PTPN4: variants seen among roughly 807,000 people sequenced by gnomAD.
PTPN4 encodes the protein protein tyrosine phosphatase non-receptor type 4, also known as tyrosine-protein phosphatase non-receptor type 4.
PTPN4 carries 49 observed loss-of-function variants against 135.5 expected under a neutral mutation model. The ratio of observed to expected loss-of-function variants is 0.36; its 90% CI spans 0.29 to 0.46. PTPN4 has a LOEUF of 0.46. Among genes scored for constraint, PTPN4 ranks in the 20% least tolerant of loss-of-function variants. The pLI is 1.00. For missense variants in PTPN4, 860 were observed against 1,101.0 expected, an observed-to-expected ratio of 0.78 and a Z score of 3.10; for synonymous variants, 333 against 369.9, an observed-to-expected ratio of 0.90 and a Z score of 1.14.
At chr2:119,894,053 T>C (rs1007571413) in intron 9 of PTPN4, among the ~76,000 whole-genome samples, 1 of 152,188 alleles carries the variant, frequency 6.6e-6, no homozygotes, top group Admixed American at 6.5e-5. Context: ...ATTTAATCCT[T>C]ACAACAGCCT....
rs1489537450 is a variant in PTPN4 at position 119,778,643 on chromosome 2, TTAAAA to T, written c.-18+18263_-18+18267del. 2.0e-5 allele frequency among the ~76,000 whole-genome samples: 3 copies of T among 152,150 alleles called. No individual in the cohort carries two copies. The South Asian group carries it at 6.2e-4, about 31-fold the overall frequency. ...ATAGGATATAGTGAGTTGTAAAAGATTAAAATAAGTTAAATAAAAAAGGAAAAGCC... is the reference window on the plus strand; with the variant it reads ...ATAGGATATAGTGAGTTGTAAAAGATTAAGTTAAATAAAAAAGGAAAAGCC... On this transcript the variant is annotated intron_variant, in intron 1 of 26. Coordinates refer to ENST00000263708, the MANE Select transcript of PTPN4 (RefSeq NM_002830.4).
Position 119,769,037 on chromosome 2 carries a change from T to C in PTPN4, c.-18+8653T>C, listed in dbSNP as rs531416872. Among the ~76,000 whole-genome samples the C allele has an allele frequency of 3.9e-4, 60 of 152,300 alleles. No individual in the cohort carries two copies. In the South Asian group the frequency reaches 0.012, roughly 31 times the overall value. ...GTGGCAGGATTTAAGGTTGTATAGA[T>C]GGTAGCTGAAGCAATGGGTGGGACT... On this transcript the variant is annotated intron_variant, in intron 1 of 26. Transcript: ENST00000263708.
chr2:119,814,004 A>G (rs1676947078), intron 2 of PTPN4, among the ~76,000 whole-genome samples: 1 of 152,138 alleles, frequency 6.6e-6, no homozygotes, highest in Non-Finnish European at 1.5e-5. Flanking sequence ...CAGGTGTGCC[A>G]TACTTAAAAA....
At chr2:119,950,322 A>G (rs1027019691) in intron 18 of PTPN4, among the ~76,000 whole-genome samples, 1 of 152,226 alleles carries the variant, frequency 6.6e-6, no homozygotes, top group African/African-American at 2.4e-5. Context: ...AATGTCTGTC[A>G]TCTACTTCAC....
chr2:119,868,535 T>C (rs1285654177), intron 3 of PTPN4, among the ~76,000 whole-genome samples: 1 of 152,208 alleles, frequency 6.6e-6, no homozygotes, highest in African/African-American at 2.4e-5. Flanking sequence ...CACTGTGACA[T>C]GTTCATGTTG....
chr2:119,782,503 A>G (rs1335547534), intron 1 of PTPN4, among the ~76,000 whole-genome samples: 1 of 152,138 alleles, frequency 6.6e-6, no homozygotes, highest in Non-Finnish European at 1.5e-5. Context: ...GTTCCTATAT[A>G]GGACAGTACA....
intron 2 of PTPN4, among the ~76,000 whole-genome samples, chr2:119,831,987 T>A (rs1457337452): frequency 3.9e-5 from 6 of 152,204 alleles, no homozygotes; most frequent in Non-Finnish European, 4.4e-5. Context: ...TAAGTTATTG[T>A]TTTGTTTTTC....
intron 3 of PTPN4, among the ~76,000 whole-genome samples, chr2:119,871,480 C>A (rs995275505): frequency 6.6e-6 from 1 of 151,908 alleles, no homozygotes; most frequent in Non-Finnish European, 1.5e-5. Flanking sequence ...GGCAGGAGAA[C>A]CACTTGCGCT....
intron 22 of PTPN4, among the ~76,000 whole-genome samples, chr2:119,959,994 T>C (rs928489321): frequency 7.2e-5 from 11 of 152,056 alleles, no homozygotes; most frequent in African/African-American, 2.7e-4. Flanking sequence ...AGAACAACAT[T>C]ATATATATAG....
At chr2:119,788,162 G>A (rs969621873) in intron 1 of PTPN4, among the ~76,000 whole-genome samples, 5 of 152,014 alleles carry the variant, frequency 3.3e-5, no homozygotes, top group African/African-American at 1.2e-4. Context: ...TTTCTCCCCA[G>A]ATTAACTTGT....
intron 2 of PTPN4, among the ~76,000 whole-genome samples, chr2:119,850,359 A>G (rs1677573176): frequency 6.6e-6 from 1 of 152,194 alleles, no homozygotes; most frequent in Non-Finnish European, 1.5e-5. Flanking sequence ...AGCTGAGGCA[A>G]GGGTGATTAG....
At chr2:119,847,117 C>T (rs1677510810) in intron 2 of PTPN4, among the ~76,000 whole-genome samples, 1 of 149,260 alleles carries the variant, frequency 6.7e-6, no homozygotes, top group Admixed American at 6.7e-5. Context: ...GGTATCATTT[C>T]CATAGGCCAA....
intron 18 of PTPN4, among the ~76,000 whole-genome samples, chr2:119,947,500 T>C (rs1032245452): frequency 5.9e-5 from 9 of 152,140 alleles, no homozygotes; most frequent in Admixed American, 2.0e-4. Context: ...TATTTAAATA[T>C]AAATACATCA....
At chr2:119,879,056 G>T (rs1678030389) in intron 5 of PTPN4, among the ~76,000 whole-genome samples, 1 of 148,270 alleles carries the variant, frequency 6.7e-6, no homozygotes, top group South Asian at 2.1e-4. Flanking sequence ...TCACGCCACT[G>T]CACTCCAGCC....
In PTPN4 at chr2:119,896,208, AT is replaced by A. The variant is rs201118608; in HGVS notation, c.676-4501del. 5.1e-3 allele frequency among the ~76,000 whole-genome samples: 771 copies of A among 151,894 alleles called. 11 individuals carry two copies. The highest frequency in any genetic ancestry group is 0.017 in the African/African-American group (723 of 41,442). ...CAATAACAGCTCCTTCCTACATAGTATTTTTTTTTAAATAATTTTTATTACC... is the reference window on the plus strand; with the variant it reads ...CAATAACAGCTCCTTCCTACATAGTATTTTTTTTAAATAATTTTTATTACC... On this transcript the variant is annotated intron_variant, in intron 9 of 26. Transcript: ENST00000263708.
intron 1 of PTPN4, among the ~76,000 whole-genome samples, chr2:119,782,714 C>CCCCT (rs1558723977): frequency 1.2e-4 from 15 of 120,262 alleles, no homozygotes; most frequent in South Asian, 3.4e-4. Flanking sequence ...CCCCACCCCC[C>CCCCT]TTTTTTTTTT....
chr2:119,770,004 C>G lies in PTPN4; in HGVS notation c.-18+9620C>G, dbSNP rs868867630. 3.9e-5 allele frequency among the ~76,000 whole-genome samples: 6 copies of G among 152,142 alleles called. 1 individual carries two copies. In the South Asian group the frequency reaches 1.2e-3, roughly 32 times the overall value. On this transcript the variant is annotated intron_variant, in intron 1 of 26. Coordinates refer to ENST00000263708, the MANE Select transcript of PTPN4 (RefSeq NM_002830.4). ...TACAAACACGAATTCTAAGTATATT[C>G]TTGTATATAGACGAGTCACTAGCAA...
chr2:119,976,410 A>G (rs1204182560), intron 26 of PTPN4, among the ~76,000 whole-genome samples: 1 of 152,050 alleles, frequency 6.6e-6, no homozygotes, highest in African/African-American at 2.4e-5. Flanking sequence ...ATAATATATT[A>G]TACGTACTTT....
At chr2:119,878,999 A>G (rs1354472558) in intron 5 of PTPN4, among the ~76,000 whole-genome samples, 1 of 151,174 alleles carries the variant, frequency 6.6e-6, no homozygotes, top group Admixed American at 6.6e-5. Flanking sequence ...AGGCTGAGGC[A>G]GGAGAATGGC....
Sources: allele counts gnomAD v4.1 joint callset (sites outside exome capture counted in the v4.1 genomes callset), GRCh38; gene constraint gnomAD v4.1.1; transcripts MANE v1.5; gene names NCBI Gene and HGNC (gene_info 2026-07-23, HGNC 2026-07-21).